GPLD1: variants seen among roughly 807,000 people sequenced by gnomAD.
GPLD1 encodes the protein phosphatidylinositol-glycan-specific phospholipase D.
In GPLD1, 84 loss-of-function variants were observed where a neutral mutation model predicts 112.6. The ratio of observed to expected loss-of-function variants is 0.75; its 90% CI spans 0.63 to 0.89. The LOEUF is 0.89. Among genes scored for constraint, GPLD1 ranks in the 40% least tolerant of loss-of-function variants. GPLD1 has a pLI of 0.00. For missense variants in GPLD1, 1,044 were observed against 1,051.5 expected (o/e 0.99, Z 0.10); for synonymous variants, 386 against 403.8 (o/e 0.96, Z 0.53).
intron 22 of GPLD1, chr6:24,433,657 T>A (rs1022291922): frequency 3.0e-6 from 1 of 333,206 alleles, no homozygotes; most frequent in African/African-American, 2.2e-5. Context: ...CACGCCCGGT[T>A]AATTTTTTTG....
chr6:24,431,691 C>T lies in GPLD1; in HGVS notation c.2436+1496G>A, dbSNP rs114002866. The stretch of plus-strand genomic sequence containing the variant: ...CTGAGACTATAGGCATGCACCACCA[C>T]GCCGGGCTATTTTTTGTATTTTTAG... On this transcript the variant is annotated intron_variant, in intron 24 of 24. Transcript: ENST00000230036. Among the ~76,000 whole-genome samples, 1,242 of 152,022 alleles carry T rather than the reference C, an allele frequency of 8.2e-3. 17 individuals are homozygous for T. The highest frequency in any genetic ancestry group is 9.1e-3 in the Non-Finnish European group (621 of 67,968).
chr6:24,432,908 A>G (rs796090580), intron 24 of GPLD1, among the ~76,000 whole-genome samples: 2 of 152,308 alleles, frequency 1.3e-5, no homozygotes, highest in African/African-American at 4.8e-5. Flanking sequence ...TTTCTTTTCA[A>G]CCATCTCAAC....
intron 22 of GPLD1, 120 bp downstream of exon 22, chr6:24,436,456 G>A (rs1762580539): frequency 6.4e-6 from 5 of 782,678 alleles, no homozygotes; most frequent in South Asian, 1.7e-5. Flanking sequence ...ACAGATGATG[G>A]TGTCCTGACC....
At chr6:24,485,210 T>C (rs1478284734) in intron 2 of GPLD1, among the ~76,000 whole-genome samples, 1 of 152,148 alleles carries the variant, frequency 6.6e-6, no homozygotes, top group Admixed American at 6.6e-5. Flanking sequence ...GGAAAATAAA[T>C]GATCTCTCTC....
At chr6:24,490,698 G>A (rs1434793675), upstream of GPLD1, among the ~76,000 whole-genome samples, 1 of 151,474 alleles carries the variant, frequency 6.6e-6, no homozygotes, top group Admixed American at 6.6e-5. Context: ...ATTGCGGTGA[G>A]CCGAGATTGC....
At chr6:24,443,596 CT>C (rs1039520680) in intron 20 of GPLD1, among the ~76,000 whole-genome samples, 2 of 151,574 alleles carry the variant, frequency 1.3e-5, no homozygotes, top group Non-Finnish European at 2.9e-5. Context: ...TAAGTCAGCA[CT>C]TTTTTTTTGT....
At chr6:24,471,358 G>A (rs1763815884) in intron 7 of GPLD1, among the ~76,000 whole-genome samples, 1 of 152,016 alleles carries the variant, frequency 6.6e-6, no homozygotes, top group Non-Finnish European at 1.5e-5. Flanking sequence ...TAGCCAGGTG[G>A]AGGCTGAGGT....
At chr6:24,459,628 T>C (rs1207969580) in intron 12 of GPLD1, among the ~76,000 whole-genome samples, 1 of 152,240 alleles carries the variant, frequency 6.6e-6, no homozygotes, top group South Asian at 2.1e-4. Context: ...TGGTTATTTT[T>C]GTATTTGTCA....
chr6:24,458,891 T>A (rs890260912), intron 12 of GPLD1, among the ~76,000 whole-genome samples: 4 of 145,574 alleles, frequency 2.7e-5, no homozygotes, highest in Admixed American at 6.9e-5. Flanking sequence ...AAAAAAAAAA[T>A]TGTTAAGAAT....
chr6:24,476,766 G>C (rs1483334426), intron 3 of GPLD1, among the ~76,000 whole-genome samples: 1 of 152,066 alleles, frequency 6.6e-6, no homozygotes, highest in Non-Finnish European at 1.5e-5. Context: ...AATGGCACAG[G>C]CCCCAGTGAG....
At chr6:24,454,618 G>T (rs1398726126) in intron 13 of GPLD1, among the ~76,000 whole-genome samples, 1 of 152,136 alleles carries the variant, frequency 6.6e-6, no homozygotes, top group Non-Finnish European at 1.5e-5. Context: ...TCAAAGACGA[G>T]CTTGTGTGAA....
At position 24,449,945 on chromosome 6, in the gene GPLD1, G is replaced by A. The variant is rs367997939; in HGVS notation, c.1336-46C>T. 1.2e-4 allele frequency: 139 copies of A among 1,170,982 alleles called. No individual in the cohort carries two copies. The African/African-American group carries it at 1.8e-3, about 15-fold the overall frequency. 72.5% of individuals were successfully genotyped at this position (1,170,982 alleles called of 1,614,324 possible). On this transcript the variant is annotated intron_variant, in intron 14 of 24. Transcript: ENST00000230036. ...TTCCCCTGGGCTGAGCCACGGCCTC[G>A]GAAAGAGCACTCCTGACCCCCAGGG...
In GPLD1 at chr6:24,476,162, A is replaced by C. The variant is rs1388962334; in HGVS notation, c.330+19T>G. The C allele has an allele frequency of 7.6e-7, 1 of 1,318,456 alleles. No individual in the cohort carries two copies. The highest frequency in any genetic ancestry group is 1.1e-6 in the Non-Finnish European group (1 of 931,202). The allele number at this position is 1,318,456 out of a possible 1,614,324, so 81.7% of individuals were successfully genotyped here. On this transcript the variant is annotated intron_variant, in intron 4 of 24. Transcript: ENST00000230036. ...AGGTTTGGTGCTAAATATTTTAAGG[A>C]TTGGAGGACCACGCCTACCTTCTCC...
intron 13 of GPLD1, among the ~76,000 whole-genome samples, chr6:24,455,938 G>A (rs904007810): frequency 6.6e-6 from 1 of 152,192 alleles, no homozygotes; most frequent in Non-Finnish European, 1.5e-5. Flanking sequence ...ACTTTGGGGG[G>A]CTGAGGCAGG....
At chr6:24,491,706 A>G (rs896788212), upstream of GPLD1, among the ~76,000 whole-genome samples, 2 of 152,138 alleles carry the variant, frequency 1.3e-5, no homozygotes, top group African/African-American at 4.8e-5. Context: ...CCTCAAAAAA[A>G]AAAAAGGAAT....
chr6:24,457,709 C>G (rs981273825), intron 12 of GPLD1, among the ~76,000 whole-genome samples: 2 of 151,806 alleles, frequency 1.3e-5, no homozygotes, highest in Non-Finnish European at 2.9e-5. Flanking sequence ...AGTAAAACCC[C>G]GTCTCTACTA....
chr6:24,464,603 A>G (rs1465954555), intron 10 of GPLD1, among the ~76,000 whole-genome samples: 2 of 152,234 alleles, frequency 1.3e-5, no homozygotes, highest in African/African-American at 4.8e-5. Context: ...GGGTACTAGC[A>G]AATGTTTATA....
chr6:24,466,211 G>A (rs889837665), intron 10 of GPLD1, among the ~76,000 whole-genome samples: 1 of 152,240 alleles, frequency 6.6e-6, no homozygotes, highest in Non-Finnish European at 1.5e-5. Flanking sequence ...GCCAGGGATG[G>A]TGGTGCACAC....
chr6:24,427,289 A>G lies in GPLD1; in HGVS notation c.*1743T>C, dbSNP rs990565908. On this transcript the variant is annotated 3_prime_UTR_variant, in exon 25 of 25. Transcript: ENST00000230036. Reference sequence around the variant, plus strand: ...AAACAGCCCAGGAACAAGCGAGGCCAAGGCCTGCTTTCCTCTCCGGCCCTT... The same window carrying G: ...AAACAGCCCAGGAACAAGCGAGGCCGAGGCCTGCTTTCCTCTCCGGCCCTT... 1.3e-5 allele frequency among the ~76,000 whole-genome samples: 2 copies of G among 152,226 alleles called. No homozygotes were observed.
Sources: allele counts gnomAD v4.1 joint callset (sites outside exome capture counted in the v4.1 genomes callset), GRCh38; gene constraint gnomAD v4.1.1; transcripts MANE v1.5; gene names NCBI Gene and HGNC (gene_info 2026-07-23, HGNC 2026-07-21).